The following SEPTIN8 variants were observed in gnomAD, a reference collection of about 807,000 sequenced individuals.
The protein encoded by SEPTIN8 is septin-8.
Under a neutral mutation model 53.1 loss-of-function variants are expected in SEPTIN8, and 22 were observed. The ratio of observed to expected loss-of-function variants is 0.41; its 90% CI spans 0.30 to 0.59. The LOEUF is 0.59. Ranked by LOEUF, SEPTIN8 falls within the 20% of genes least tolerant of loss-of-function variation. SEPTIN8 has a pLI of 0.24. For synonymous variants in SEPTIN8, 228 were observed against 248.4 expected (o/e 0.92, Z 0.77); for missense variants, 536 against 638.7 (o/e 0.84, Z 1.73).
Position 132,764,209 on chromosome 5 carries a change from C to CT in SEPTIN8, c.347+14dup. On this transcript the variant is annotated intron_variant, in intron 3 of 9. Transcript: ENST00000378719. Reference sequence around the variant, plus strand: ...TGGGAGGAGGCTGGGTGGGGCCGCCCTTCCCGCCTCTTGCCTCTCATCCTT... The same window carrying CT: ...TGGGAGGAGGCTGGGTGGGGCCGCCCTTTCCCGCCTCTTGCCTCTCATCCTT... 5 of 1,602,616 alleles carry CT rather than the reference C, an allele frequency of 3.1e-6. No homozygotes were observed. Among genetic ancestry groups the CT allele is most frequent in the Non-Finnish European group, 4.3e-6 (5 of 1,173,590 alleles).
chr5:132,760,251 C>T lies in SEPTIN8; in HGVS notation c.1286+551G>A, dbSNP rs933149256. ...CTGCCCCACAGACTGAGGAGGGATG[C>T]GCCACAGGTGTCCAAGCAGAAACCA... On this transcript the variant is annotated intron_variant, in intron 9 of 9. Transcript: ENST00000378719. This position sits in a 1 kb window ranked among gnomAD's most constrained non-coding sequence, Gnocchi z 5.2. Among the ~76,000 whole-genome samples the T allele has an allele frequency of 3.9e-5, 6 of 152,148 alleles. No homozygotes were observed. Among genetic ancestry groups the T allele is most frequent in the African/African-American group, 7.2e-5 (3 of 41,482 alleles).
intron 9 of SEPTIN8, chr5:132,756,978 A>C: frequency 1.0e-6 from 1 of 985,412 alleles, no homozygotes. Context: ...CCAACTGCAT[A>C]CACTTTCAGA....
chr5:132,779,361 C>G (rs994429522), upstream of SEPTIN8, among the ~76,000 whole-genome samples: 4 of 152,322 alleles, frequency 2.6e-5, no homozygotes, highest in African/African-American at 9.6e-5. Context: ...CGTCAAATAA[C>G]TGGGGAATGC....
intron 3 of SEPTIN8, 87 bp from the exon 4 acceptor site, chr5:132,763,979 G>T: frequency 7.4e-7 from 1 of 1,343,154 alleles, no homozygotes; most frequent in Non-Finnish European, 1.0e-6. Flanking sequence ...GCCAAGCCAG[G>T]CTGCCCCCTG....
At chr5:132,758,524 G>C in intron 9 of SEPTIN8, 1 of 1,613,556 alleles carries the variant, frequency 6.2e-7, no homozygotes, top group Non-Finnish European at 8.5e-7. Context: ...TCAGGGAATA[G>C]TGACACTGTA....
chr5:132,780,066 G>A (rs767898078), upstream of SEPTIN8, among the ~76,000 whole-genome samples: 2 of 152,192 alleles, frequency 1.3e-5, no homozygotes, highest in Non-Finnish European at 2.9e-5. Flanking sequence ...ATTCCAGGCA[G>A]CAAGAGGCAA....
intron 9 of SEPTIN8, chr5:132,752,874 T>C (rs1476450082): frequency 6.2e-7 from 1 of 1,613,176 alleles, no homozygotes; most frequent in Non-Finnish European, 8.5e-7. Context: ...AGGTTGGTGA[T>C]ATGCAGTACA....
chr5:132,759,448 C>T (rs1755668993), intron 9 of SEPTIN8, among the ~76,000 whole-genome samples: 1 of 151,974 alleles, frequency 6.6e-6, no homozygotes. Context: ...GCCCTCAGAC[C>T]CTGAACTGGC....
intron 9 of SEPTIN8, 33 bp from the exon 10 acceptor site, chr5:132,752,214 C>T (rs1754905006): frequency 1.3e-6 from 2 of 1,551,428 alleles, no homozygotes; most frequent in Non-Finnish European, 8.7e-7. Flanking sequence ...TCAACTTTGC[C>T]CCAGACCAGG....
chr5:132,756,092 A>AT (rs1755311432), intron 9 of SEPTIN8: 1 of 985,476 alleles, frequency 1.0e-6, no homozygotes, highest in African/African-American at 1.7e-5. Flanking sequence ...GAGTAAATGA[A>AT]TTAACACGTG....
At chr5:132,756,943 G>GCTAT (rs1349672797) in intron 9 of SEPTIN8, 5 of 985,222 alleles carry the variant, frequency 5.1e-6, no homozygotes, top group African/African-American at 3.5e-5. Context: ...GCTGAGAGAG[G>GCTAT]CTATCTTAAA....
At chr5:132,752,879 A>G (rs1371504711) in intron 9 of SEPTIN8, 2 of 1,613,962 alleles carry the variant, frequency 1.2e-6, no homozygotes, top group Non-Finnish European at 1.7e-6. Context: ...GGTGATATGC[A>G]GTACAGCTGC....
chr5:132,766,112 G>A (rs1002174008), intron 1 of SEPTIN8, among the ~76,000 whole-genome samples: 1 of 152,272 alleles, frequency 6.6e-6, no homozygotes, highest in East Asian at 1.9e-4. Flanking sequence ...ACACACCCAC[G>A]TGTGGGACTC....
intron 9 of SEPTIN8, chr5:132,755,965 AT>A: frequency 1.0e-6 from 1 of 985,282 alleles, no homozygotes; most frequent in Non-Finnish European, 1.2e-6. Context: ...GAAACGTTAA[AT>A]CAGAAAAGCT....
At position 132,756,720 on chromosome 5, in the gene SEPTIN8, C is replaced by T. The variant is rs375189623; in HGVS notation, c.1286+4082G>A. ...CAGAAAACACAAGTCTGTCAAGTGT[C>T]CTGAAGATCCTGGGAAGGCTTAGGC... On this transcript the variant is annotated intron_variant, in intron 9 of 9. Coordinates refer to ENST00000378719, the MANE Select transcript of SEPTIN8 (RefSeq NM_001098811.2). 4.7e-5 allele frequency: 46 copies of T among 985,428 alleles called. No homozygotes were observed. The South Asian group carries it at 1.8e-3, about 39-fold the overall frequency. 61.0% of individuals were successfully genotyped at this position (985,428 alleles called of 1,614,324 possible).
In SEPTIN8 at chr5:132,761,154, C is replaced by G; in HGVS notation, c.1074G>C (p.Glu358Asp). 6.2e-7 allele frequency: 1 copy of G among 1,614,258 alleles called. No homozygotes were observed. Among genetic ancestry groups the G allele is most frequent in the Non-Finnish European group, 8.5e-7 (1 of 1,180,048 alleles). Residue 358 changes from glutamate (E) to aspartate (D), a missense_variant, in exon 8 of 10, where the codon GAG becomes GAC. Glu to Asp is a conservative substitution (Grantham distance 45). Coordinates refer to ENST00000378719, the MANE Select transcript of SEPTIN8 (RefSeq NM_001098811.2). The surrounding 1 kb of genome is among the most constrained non-coding windows in gnomAD (Gnocchi z 5.8). ...ATACCTCCCTTTCCTTCTCCTTCAG[C>G]TCCAGCTCTGTCTCCTTCACTTTGT... ...FVNKVKETEL[E>D]LKEKERELHE...
chr5:132,761,624 C>T lies in SEPTIN8; in HGVS notation c.796G>A (p.Glu266Lys). The T allele has an allele frequency of 6.2e-7, 1 of 1,613,582 alleles. No homozygotes were observed. Among genetic ancestry groups the T allele is most frequent in the Non-Finnish European group, 8.5e-7 (1 of 1,179,786 alleles). The change falls in exon 7 of 10, where the codon GAG (glutamate) becomes AAG (lysine). Residue 266 changes from glutamate to lysine, a missense_variant and splice_region_variant. Physicochemically the swap from Glu to Lys is moderately conservative, Grantham distance 56. Transcript: ENST00000378719. This position sits in a 1 kb window ranked among gnomAD's most constrained non-coding sequence, Gnocchi z 5.8. ...RQYPWGVVQV[E>K]NENHCDFVKL... ...ACGAAGTCGCAGTGATTCTCATTCT[C>T]CACTGAAAGCAGAGGGCCGGTGGGG...
upstream of SEPTIN8, among the ~76,000 whole-genome samples, chr5:132,778,490 T>G (rs1757964619): frequency 6.6e-6 from 1 of 152,216 alleles, no homozygotes; most frequent in African/African-American, 2.4e-5. Flanking sequence ...TGGACTGACT[T>G]CCCGCTGGAC....
At chr5:132,779,155 C>T (rs30514), upstream of SEPTIN8, among the ~76,000 whole-genome samples, 54,378 of 152,044 alleles carry the variant, frequency 0.36, 16,297 homozygotes, top group African/African-American at 0.79. Flanking sequence ...TCCACAATGC[C>T]GAAATTTCTC....
Sources: allele counts gnomAD v4.1 joint callset (sites outside exome capture counted in the v4.1 genomes callset), GRCh38; gene constraint gnomAD v4.1.1; non-coding constraint Gnocchi (gnomAD v3.1); transcripts MANE v1.5; gene names NCBI Gene and HGNC (gene_info 2026-07-23, HGNC 2026-07-21).